Variants in NTNG1 observed in about 807,000 individuals in gnomAD.
NTNG1 encodes the protein netrin-G1.
A neutral mutation model predicts 54.0 loss-of-function variants in NTNG1; 16 were observed. The observed-to-expected ratio is 0.30, with a 90% confidence interval of 0.20 to 0.45. The LOEUF is 0.45. Ranked by LOEUF, NTNG1 falls within the 20% of genes least tolerant of loss-of-function variation. The pLI is 1.00. For missense variants in NTNG1, 530 were observed against 678.7 expected (o/e 0.78, Z 2.43); for synonymous variants, 255 against 263.1 (o/e 0.97, Z 0.30).
At chr1:107,408,053 G>T (rs1043431530) in intron 5 of NTNG1, 24 of 413,880 alleles carry the variant, frequency 5.8e-5, no homozygotes, top group East Asian at 5.8e-5. Context: ...CAAACAAATT[G>T]AACTCTCTCT....
At chr1:107,285,381 A>T (rs1647916640) in intron 2 of NTNG1, among the ~76,000 whole-genome samples, 2 of 152,106 alleles carry the variant, frequency 1.3e-5, no homozygotes, top group South Asian at 4.1e-4. Flanking sequence ...ACCTTTTTAT[A>T]AAAGTGAAAG....
chr1:107,169,736 A>G (rs764800066), intron 2 of NTNG1, among the ~76,000 whole-genome samples: 4 of 152,340 alleles, frequency 2.6e-5, no homozygotes, highest in African/African-American at 4.8e-5. Flanking sequence ...CTAGCCTACT[A>G]TATCAGTCAG....
chr1:107,230,490 G>T (rs1025676920), intron 2 of NTNG1, among the ~76,000 whole-genome samples: 3 of 152,092 alleles, frequency 2.0e-5, no homozygotes, highest in African/African-American at 7.2e-5. Flanking sequence ...CTGGAAGCTG[G>T]ACCCAAAGAA....
intron 2 of NTNG1, among the ~76,000 whole-genome samples, chr1:107,180,444 T>G (rs1258571545): frequency 6.6e-6 from 1 of 152,172 alleles, no homozygotes; most frequent in Non-Finnish European, 1.5e-5. Flanking sequence ...TGCATTTAAG[T>G]GAAATAAAAG....
chr1:107,387,864 G>T (rs887789844), intron 3 of NTNG1, among the ~76,000 whole-genome samples: 10 of 152,194 alleles, frequency 6.6e-5, no homozygotes, highest in African/African-American at 2.4e-4. Context: ...CTTGGTAATT[G>T]TTGGCCCTCT....
At position 107,324,882 on chromosome 1, in the gene NTNG1, C is replaced by T. The variant is rs1414172543; in HGVS notation, c.847C>T (p.Arg283Cys). 1 of 1,612,946 alleles carries T rather than the reference C, an allele frequency of 6.2e-7. No individual in the cohort carries two copies. The highest frequency in any genetic ancestry group is 8.5e-7 in the Non-Finnish European group (1 of 1,179,346). The change falls in exon 3 of 8, where the codon CGC (arginine) becomes TGC (cysteine). Residue 283 changes from arginine (R) to cysteine (C), a missense_variant. Transcript: ENST00000370068. ...EIFVDELHLARYFYAISDIKV... is the reference protein window; with the variant it reads ...EIFVDELHLACYFYAISDIKV... Reference sequence around the variant, plus strand: ...ATTTGTAGATGAGCTACACTTGGCACGCTACTTTTACGCGATCTCAGACAT... The same window carrying T: ...ATTTGTAGATGAGCTACACTTGGCATGCTACTTTTACGCGATCTCAGACAT...
chr1:107,388,136 G>A (rs1457243198), intron 3 of NTNG1, among the ~76,000 whole-genome samples: 1 of 152,168 alleles, frequency 6.6e-6, no homozygotes, highest in African/African-American at 2.4e-5. Flanking sequence ...CTCTCATGGT[G>A]TATCCATAGA....
At chr1:107,480,580 A>ACCCT in intron 7 of NTNG1, 31 bp from the exon 8 acceptor site, 1 of 218,704 alleles carries the variant, frequency 4.6e-6, no homozygotes, top group Non-Finnish European at 8.6e-6. Context: ...CCCCGCGCCC[A>ACCCT]CCCACCCCTA....
At chr1:107,474,592 G>A (rs1363664680) in intron 7 of NTNG1, among the ~76,000 whole-genome samples, 2 of 152,158 alleles carry the variant, frequency 1.3e-5, no homozygotes, top group Non-Finnish European at 2.9e-5. Context: ...ACCACACACT[G>A]GGTAATTTAT....
At chr1:107,333,157 G>T (rs1478157047) in intron 3 of NTNG1, among the ~76,000 whole-genome samples, 2 of 151,760 alleles carry the variant, frequency 1.3e-5, no homozygotes, top group Non-Finnish European at 2.9e-5. Context: ...TATATTGAGA[G>T]GATAGAGGAC....
intron 3 of NTNG1, among the ~76,000 whole-genome samples, chr1:107,382,530 A>G (rs887413574): frequency 6.6e-6 from 1 of 152,232 alleles, no homozygotes; most frequent in African/African-American, 2.4e-5. Flanking sequence ...TAATTATGAC[A>G]GTGTCAAGAA....
chr1:107,311,180 AC>A (rs1666990849), intron 2 of NTNG1, among the ~76,000 whole-genome samples: 1 of 152,204 alleles, frequency 6.6e-6, no homozygotes, highest in Non-Finnish European at 1.5e-5. Flanking sequence ...TTGTAAATTT[AC>A]AACCGTGCCA....
At chr1:107,242,328 G>GCTCT (rs1020281715) in intron 2 of NTNG1, among the ~76,000 whole-genome samples, 1 of 151,600 alleles carries the variant, frequency 6.6e-6, no homozygotes, top group East Asian at 1.9e-4. Context: ...GTTTGATCTC[G>GCTCT]CTCTCTCTCT....
Position 107,480,661 on chromosome 1 carries a change from C to G in NTNG1, c.1441C>G (p.His481Asp). The change falls in exon 8 of 8, where the codon CAC becomes GAC. Residue 481 changes from histidine to aspartate, a missense_variant. Transcript: ENST00000370068. ...GCACTGCCAGAACGGAGGGACGTGC[C>G]ACAACAACGTGCGCTGCCTGTGCCC... ...LLHCQNGGTC[H>D]NNVRCLCPAA... 1 of 1,598,594 alleles carries G rather than the reference C, an allele frequency of 6.3e-7. No homozygotes were observed. Among genetic ancestry groups the G allele is most frequent in the Admixed American group, 1.7e-5 (1 of 59,578 alleles).
At chr1:107,349,880 C>A (rs1188576662) in intron 3 of NTNG1, among the ~76,000 whole-genome samples, 1 of 151,986 alleles carries the variant, frequency 6.6e-6, no homozygotes, top group Non-Finnish European at 1.5e-5. Flanking sequence ...TATAGATATC[C>A]TTGTTAAGAA....
chr1:107,324,509 C>A lies in NTNG1; in HGVS notation c.474C>A (p.Asp158Glu). ...IVITFESGRP[D>E]QMILEKSLDY... Reference sequence around the variant, plus strand: ...TTACCTTTGAATCTGGGCGTCCAGACCAAATGATCCTGGAGAAGTCTCTCG... The same window carrying A: ...TTACCTTTGAATCTGGGCGTCCAGAACAAATGATCCTGGAGAAGTCTCTCG... Residue 158 changes from aspartate to glutamate, a missense_variant, in exon 3 of 8, where the codon GAC becomes GAA. Coordinates refer to ENST00000370068, the MANE Select transcript of NTNG1 (RefSeq NM_001113226.3). 6.2e-7 allele frequency: 1 copy of A among 1,613,754 alleles called. No homozygotes were observed. Among genetic ancestry groups the A allele is most frequent in the Non-Finnish European group, 8.5e-7 (1 of 1,179,834 alleles).
intron 2 of NTNG1, among the ~76,000 whole-genome samples, chr1:107,236,416 G>C (rs191986913): frequency 6.6e-6 from 1 of 152,224 alleles, no homozygotes; most frequent in Non-Finnish European, 1.5e-5. Flanking sequence ...TAAAGGTATG[G>C]GCAGAGAGTC....
intron 3 of NTNG1, among the ~76,000 whole-genome samples, chr1:107,347,062 AC>A (rs1201871221): frequency 6.6e-6 from 1 of 152,018 alleles, no homozygotes; most frequent in East Asian, 2.0e-4. Flanking sequence ...CTAGAGTGAG[AC>A]AAAAATGGTC....
At chr1:107,159,066 G>A (rs1181751886) in intron 2 of NTNG1, among the ~76,000 whole-genome samples, 3 of 152,218 alleles carry the variant, frequency 2.0e-5, no homozygotes, top group South Asian at 2.1e-4. Flanking sequence ...ATTGTGGACC[G>A]TCTGCATGCT....
Sources: allele counts gnomAD v4.1 joint callset (sites outside exome capture counted in the v4.1 genomes callset), GRCh38; gene constraint gnomAD v4.1.1; transcripts MANE v1.5; gene names NCBI Gene and HGNC (gene_info 2026-07-23, HGNC 2026-07-21).